The following PHF8 variants were observed in gnomAD, a reference collection of about 807,000 sequenced individuals.
PHF8 encodes PHD finger protein 8.
Under a neutral mutation model 74.4 loss-of-function variants are expected in PHF8, and 9 were observed. That is an observed-to-expected ratio of 0.12 (90% CI 0.07 to 0.21). PHF8 has a LOEUF of 0.21. Among genes scored for constraint, PHF8 ranks in the 10% least tolerant of loss-of-function variants. The pLI is 1.00. For synonymous variants in PHF8, 311 were observed against 316.6 expected (o/e 0.98, Z 0.19); for missense variants, 478 against 816.6 (o/e 0.59, Z 5.05).
chrX:54,045,516 G>A (rs1424671995), upstream of PHF8, among the ~76,000 whole-genome samples: 3 of 112,380 alleles, frequency 2.7e-5, no homozygotes, highest in East Asian at 2.8e-4. Context: ...ACAAAGTTGC[G>A]AGTAAACAAT....
rs1182656488 is a variant in PHF8 at position 53,976,033 on chromosome X, G to A, written c.2443+8881C>T. ...ATAAAATACCAAAATAAAAAAAAAA[G>A]GCTGGGCATGGTGGCTCACACCTTT... On this transcript the variant is annotated intron_variant, in intron 18 of 21. Coordinates refer to ENST00000338154, the MANE Select transcript of PHF8 (RefSeq NM_015107.3). Among the ~76,000 whole-genome samples, 3 of 110,262 alleles carry A rather than the reference G, an allele frequency of 2.7e-5. No individual in the cohort carries two copies. The East Asian group carries it at 8.5e-4, about 31-fold the overall frequency.
intron 8 of PHF8, among the ~76,000 whole-genome samples, chrX:54,006,210 G>A (rs781873704): frequency 5.4e-5 from 6 of 111,809 alleles, no homozygotes; most frequent in African/African-American, 1.3e-4. Flanking sequence ...GGCCCGGTGC[G>A]GTGACTCACG....
intron 14 of PHF8, among the ~76,000 whole-genome samples, chrX:53,991,846 T>A (rs2065670361): frequency 3.7e-5 from 4 of 109,519 alleles, no homozygotes; most frequent in Non-Finnish European, 7.6e-5. Flanking sequence ...TATTTTTTTT[T>A]AAAGGTATTT....
At chrX:54,036,589 A>AC (rs1557114254) in intron 2 of PHF8, among the ~76,000 whole-genome samples, 3 of 105,368 alleles carry the variant, frequency 2.8e-5, no homozygotes, top group African/African-American at 1.1e-4. Context: ...AAAAAAAAAA[A>AC]AAAAAAAAAA....
At chrX:53,973,370 G>T (rs1189182506) in intron 18 of PHF8, among the ~76,000 whole-genome samples, 1 of 111,604 alleles carries the variant, frequency 9.0e-6, no homozygotes, top group Non-Finnish European at 1.9e-5. Context: ...ATTAAAGCTG[G>T]AGGCATCACG....
In PHF8 at chrX:53,995,552, T is replaced by C. The variant is rs181078501; in HGVS notation, c.1323+141A>G. Reference sequence around the variant, plus strand: ...CACACTTGAAACACAGTAATAATTATTTGAACGAATGAATTGGGTCTTTGG... The same window carrying C: ...CACACTTGAAACACAGTAATAATTACTTGAACGAATGAATTGGGTCTTTGG... On this transcript the variant is annotated intron_variant, in intron 12 of 21. Transcript: ENST00000338154. The C allele has an allele frequency of 5.2e-3, 2,540 of 487,404 alleles. 7 individuals are homozygous for C. The highest frequency in any genetic ancestry group is 6.2e-3 in the Non-Finnish European group (1,702 of 273,701). The allele number at this position is 487,404 out of a possible 1,213,427, so 40.2% of individuals were successfully genotyped here. A position where few individuals can be genotyped will look rare whatever the true frequency, so the allele number is the denominator to read the frequency against.
chrX:54,002,136 T>C lies in PHF8; in HGVS notation c.1141+19A>G, dbSNP rs782281497. ...CAGGGGAGAGGGGCAAAAAGGACAGTTGGCAAAGGGCTCCATACCGCGAAA... is the reference window on the plus strand; with the variant it reads ...CAGGGGAGAGGGGCAAAAAGGACAGCTGGCAAAGGGCTCCATACCGCGAAA... On this transcript the variant is annotated intron_variant, in intron 10 of 21. Transcript: ENST00000338154. The C allele has an allele frequency of 2.0e-6, 2 of 1,000,929 alleles. No individual in the cohort carries two copies. The highest frequency in any genetic ancestry group is 2.2e-5 in the Admixed American group (1 of 45,251). 82.5% of individuals were successfully genotyped at this position (1,000,929 alleles called of 1,213,427 possible). A position where few individuals can be genotyped will look rare whatever the true frequency, so the allele number is the denominator to read the frequency against.
intron 8 of PHF8, among the ~76,000 whole-genome samples, chrX:54,006,612 T>C (rs1312061945): frequency 5.4e-5 from 6 of 111,973 alleles, no homozygotes; most frequent in African/African-American, 9.7e-5. Context: ...AAAACCTATA[T>C]GAAAGCTGAA....
intron 19 of PHF8, among the ~76,000 whole-genome samples, chrX:53,954,760 T>C (rs782366051): frequency 3.5e-4 from 39 of 109,956 alleles, no homozygotes; most frequent in African/African-American, 1.3e-3. Flanking sequence ...CCGACTGTTC[T>C]GGTGCTTATG....
intron 21 of PHF8, 84 bp downstream of exon 21, chrX:53,940,096 G>A: frequency 1.3e-6 from 1 of 755,634 alleles, no homozygotes; most frequent in Non-Finnish European, 2.0e-6. Flanking sequence ...GTCCCTCCCT[G>A]GTATTGTCAT....
intron 2 of PHF8, among the ~76,000 whole-genome samples, chrX:54,036,223 C>T (rs2066453401): frequency 9.1e-6 from 1 of 110,281 alleles, no homozygotes; most frequent in African/African-American, 3.3e-5. Flanking sequence ...CCAAAAATGG[C>T]AGAATACACA....
At chrX:54,015,049 GGA>G (rs2066040316) in intron 6 of PHF8, among the ~76,000 whole-genome samples, 1 of 111,798 alleles carries the variant, frequency 8.9e-6, no homozygotes, top group African/African-American at 3.3e-5. Context: ...CTGACCTTCA[GGA>G]AATTCACTGA....
intron 21 of PHF8, among the ~76,000 whole-genome samples, chrX:53,939,613 G>T (rs2064718699): frequency 9.0e-6 from 1 of 111,200 alleles, no homozygotes; most frequent in African/African-American, 3.3e-5. Context: ...AGTGATTAGA[G>T]CTCAGTGTCC....
Position 53,962,713 on chromosome X carries a change from A to G in PHF8, c.2539+131T>C, listed in dbSNP as rs5960425. 3,208 of 523,665 alleles carry G rather than the reference A, an allele frequency of 6.1e-3. 69 individuals are homozygous for G. In the African/African-American group the frequency reaches 0.066, roughly 11 times the overall value. The allele number at this position is 523,665 out of a possible 1,213,427, so 43.2% of individuals were successfully genotyped here. A position where few individuals can be genotyped will look rare whatever the true frequency, so the allele number is the denominator to read the frequency against. Reference sequence around the variant, plus strand: ...ACACAGTGCCTGACACACAGCAGACACTCAACAAATGTTTGCTGAATAAAC... The same window carrying G: ...ACACAGTGCCTGACACACAGCAGACGCTCAACAAATGTTTGCTGAATAAAC... On this transcript the variant is annotated intron_variant, in intron 19 of 21. Coordinates refer to ENST00000338154, the MANE Select transcript of PHF8 (RefSeq NM_015107.3).
intron 10 of PHF8, 107 bp from the exon 11 acceptor site, chrX:54,000,068 A>C: frequency 1.9e-6 from 1 of 532,743 alleles, no homozygotes; most frequent in Admixed American, 2.6e-5. Context: ...GGTTCTGAGC[A>C]CAACTGCAGA....
intron 2 of PHF8, among the ~76,000 whole-genome samples, chrX:54,023,526 C>T (rs1343405337): frequency 8.2e-5 from 9 of 109,340 alleles, no homozygotes; most frequent in Non-Finnish European, 1.7e-4. Flanking sequence ...TCAACCTTCC[C>T]TTACTAGGGA....
chrX:53,990,796 G>A (rs2065647089), intron 14 of PHF8, among the ~76,000 whole-genome samples: 1 of 111,515 alleles, frequency 9.0e-6, no homozygotes, highest in Non-Finnish European at 1.9e-5. Context: ...GATGTCTAGT[G>A]TTCTGAGTAT....
At chrX:53,994,997 T>C in intron 12 of PHF8, 1 of 268,279 alleles carries the variant, frequency 3.7e-6, no homozygotes, top group Non-Finnish European at 7.4e-6. Context: ...GCTCTACATA[T>C]ATTAGCTTTT....
chrX:53,973,879 T>G (rs2065332430), intron 18 of PHF8, among the ~76,000 whole-genome samples: 1 of 111,503 alleles, frequency 9.0e-6, no homozygotes, highest in Non-Finnish European at 1.9e-5. Flanking sequence ...GGGAGAAAAT[T>G]TTTGCAATAT....
Sources: gnomAD v4.1 joint callset for allele counts (sites outside exome capture counted in the v4.1 genomes callset) on GRCh38, gnomAD v4.1.1 for gene constraint, MANE v1.5 for transcripts, NCBI Gene and HGNC (gene_info 2026-07-23, HGNC 2026-07-21) for gene names.